The following ABHD4 variants were observed in gnomAD, a reference collection of about 807,000 sequenced individuals.
ABHD4 encodes abhydrolase domain containing 4, N-acyl phospholipase B.
ABHD4 carries 35 observed loss-of-function variants against 42.3 expected under a neutral mutation model. That is an observed-to-expected ratio of 0.83 (90% CI 0.63 to 1.10). The LOEUF is 1.10. Ranked by LOEUF, ABHD4 falls within the 50% of genes least tolerant of loss-of-function variation. The pLI, the probability that ABHD4 is intolerant of heterozygous loss-of-function variation, is 0.00. For synonymous variants in ABHD4, 169 were observed against 170.6 expected, an observed-to-expected ratio of 0.99 and a Z score of 0.07; for missense variants, 389 against 454.8, an observed-to-expected ratio of 0.86 and a Z score of 1.32.
rs1393636270 is a variant in ABHD4, at chr14:22,609,895, C to T, written c.924C>T (p.Ser308=). 3 of 1,613,882 alleles carry T rather than the reference C, an allele frequency of 1.9e-6. No individual in the cohort carries two copies. The highest frequency in any genetic ancestry group is 2.7e-5 in the African/African-American group (2 of 74,860). Residue 308 remains serine, a synonymous_variant, in exon 6 of 7, where the codon TCC becomes TCT. Coordinates refer to ENST00000428304, the MANE Select transcript of ABHD4 (RefSeq NM_022060.3). ...AGGTGAAGATGCAGCGGCCGGATTCCTATGTCCGAGACATGGTATGTTGCA... is the reference window on the plus strand; with the variant it reads ...AGGTGAAGATGCAGCGGCCGGATTCTTATGTCCGAGACATGGTATGTTGCA... ...GKKVKMQRPD[S]YVRDMEIKGA... is the part of the protein sequence containing the mutation.
At chr14:22,603,873 G>A (rs570861113) in intron 3 of ABHD4, 52 bp from the exon 4 acceptor site, 1 of 1,602,802 alleles carries the variant, frequency 6.2e-7, no homozygotes, top group South Asian at 1.1e-5. Context: ...AGGGGCTATG[G>A]CAACTACCAG....
In ABHD4 at chr14:22,612,149, C is replaced by G. The variant is rs956870134; in HGVS notation, c.*1201C>G. 1.3e-5 allele frequency: 2 copies of G among 152,770 alleles called. No homozygotes were observed. Among genetic ancestry groups the G allele is most frequent in the Non-Finnish European group, 2.9e-5 (2 of 68,216 alleles). 9.5% of individuals were successfully genotyped at this position (152,770 alleles called of 1,614,324 possible). Reference sequence around the variant, plus strand: ...GGTTTCCAGCTCAATCCACCCCTGACCCATCTGTCAGCTTTTTCCCAGGGA... The same window carrying G: ...GGTTTCCAGCTCAATCCACCCCTGAGCCATCTGTCAGCTTTTTCCCAGGGA... On this transcript the variant is annotated 3_prime_UTR_variant, in exon 7 of 7. Transcript: ENST00000428304.
intron 2 of ABHD4, among the ~76,000 whole-genome samples, chr14:22,602,405 G>A (rs1212978487): frequency 2.0e-5 from 3 of 152,160 alleles, no homozygotes; most frequent in African/African-American, 7.2e-5. Flanking sequence ...CTGGGCCCGA[G>A]TAAGTGCAGA....
chr14:22,605,804 AAG>A (rs1171249395), intron 4 of ABHD4: 3 of 1,289,054 alleles, frequency 2.3e-6, no homozygotes, highest in Admixed American at 4.6e-5. Context: ...ACCAGAGAGA[AAG>A]AGAGAGATCA....
chr14:22,608,784 C>T (rs976476964), intron 5 of ABHD4, among the ~76,000 whole-genome samples: 7 of 152,236 alleles, frequency 4.6e-5, no homozygotes, highest in African/African-American at 1.7e-4. Flanking sequence ...TCACTGCAAC[C>T]TCTGCCTCCC....
intron 4 of ABHD4, among the ~76,000 whole-genome samples, chr14:22,605,152 A>C (rs572653333): frequency 6.6e-6 from 1 of 152,158 alleles, no homozygotes; most frequent in Admixed American, 6.5e-5. Flanking sequence ...AAAGGGAGAA[A>C]AGGAGGTGGA....
intron 4 of ABHD4, 132 bp downstream of exon 4, chr14:22,604,211 A>C: frequency 9.4e-7 from 1 of 1,068,742 alleles, no homozygotes; most frequent in South Asian, 1.7e-5. Flanking sequence ...TCTGAACCAG[A>C]TCACTTTGTT....
At position 22,610,882 on chromosome 14, in the gene ABHD4, T is replaced by G; in HGVS notation, c.963T>G (p.His321Gln). 1 of 1,614,120 alleles carries G rather than the reference T, an allele frequency of 6.2e-7. No individual in the cohort carries two copies. Among genetic ancestry groups the G allele is most frequent in the Non-Finnish European group, 8.5e-7 (1 of 1,180,008 alleles). ...AGGAGATTAAGGGTGCCTCCCACCA[T>G]GTCTATGCTGACCAGCCACACATCT... Reference protein sequence around the residue: ...RDMEIKGASHHVYADQPHIFN... With the variant: ...RDMEIKGASHQVYADQPHIFN... Residue 321 changes from histidine to glutamine, a missense_variant, in exon 7 of 7, where the codon CAT (histidine) becomes CAG (glutamine). His to Gln is a conservative substitution (Grantham distance 24, BLOSUM62 0). This residue lies in a region of ABHD4 where 249 missense variants were observed against 254.4 expected (regional missense o/e 0.98). Coordinates refer to ENST00000428304, the MANE Select transcript of ABHD4 (RefSeq NM_022060.3).
intron 2 of ABHD4, among the ~76,000 whole-genome samples, chr14:22,602,271 C>G (rs921427194): frequency 6.8e-4 from 104 of 152,312 alleles, no homozygotes; most frequent in African/African-American, 2.5e-3. Context: ...TACATTGCAG[C>G]AGGGCATCCC....
At chr14:22,602,924 A>AG (rs928702304) in intron 2 of ABHD4, among the ~76,000 whole-genome samples, 4 of 152,164 alleles carry the variant, frequency 2.6e-5, no homozygotes, top group African/African-American at 9.7e-5. Flanking sequence ...CAGCATGGTG[A>AG]GGGGGGTCAG....
At chr14:22,603,367 C>T (rs750154281) in intron 2 of ABHD4, 23 bp from the exon 3 acceptor site, 16 of 1,613,792 alleles carry the variant, frequency 9.9e-6, no homozygotes, top group East Asian at 6.7e-5. Context: ...TATTGACTTA[C>T]CATGGGATTC....
intron 6 of ABHD4, among the ~76,000 whole-genome samples, 191 bp from the exon 7 acceptor site, chr14:22,610,668 G>A (rs1201386172): frequency 6.6e-6 from 1 of 152,202 alleles, no homozygotes; most frequent in African/African-American, 2.4e-5. Flanking sequence ...TGTTTATCAA[G>A]TAAGTAGAAT....
At chr14:22,601,523 C>A in intron 1 of ABHD4, 144 bp from the exon 2 acceptor site, 1 of 686,098 alleles carries the variant, frequency 1.5e-6, no homozygotes, top group Non-Finnish European at 2.6e-6. Flanking sequence ...AGCTAGGGAA[C>A]TGCTGCCTGC....
chr14:22,601,282 T>C (rs1228218638), intron 1 of ABHD4, among the ~76,000 whole-genome samples: 2 of 152,238 alleles, frequency 1.3e-5, no homozygotes, highest in South Asian at 2.1e-4. Flanking sequence ...CAGCTAGTAC[T>C]GGGGACAGCA....
intron 1 of ABHD4, among the ~76,000 whole-genome samples, chr14:22,600,425 C>A (rs943584761): frequency 2.6e-5 from 4 of 152,188 alleles, no homozygotes; most frequent in African/African-American, 7.2e-5. Context: ...TCAGTTTGCT[C>A]ATCTGTAAAA....
chr14:22,605,869 A>T, intron 4 of ABHD4: 1 of 1,276,946 alleles, frequency 7.8e-7, no homozygotes, highest in Non-Finnish European at 1.0e-6. Context: ...TGTTGCATGT[A>T]TGTATACCAT....
intron 2 of ABHD4, 72 bp downstream of exon 2, chr14:22,601,827 T>G: frequency 2.9e-6 from 4 of 1,364,336 alleles, no homozygotes; most frequent in Non-Finnish European, 4.2e-6. Context: ...TCCCAGAGCC[T>G]GCTACATTGA....
intron 1 of ABHD4, chr14:22,599,969 G>GTT: frequency 3.5e-6 from 1 of 289,406 alleles, no homozygotes; most frequent in Non-Finnish European, 7.0e-6. Context: ...TCCACTGAGA[G>GTT]TTGCTACTTG....
intron 5 of ABHD4, among the ~76,000 whole-genome samples, chr14:22,609,008 G>GT (rs1195088885): frequency 7.0e-6 from 1 of 143,048 alleles, no homozygotes; most frequent in Non-Finnish European, 1.5e-5. Context: ...CTGTTCGTTT[G>GT]TTTTTTTGAG....
Sources: allele counts gnomAD v4.1 joint callset (sites outside exome capture counted in the v4.1 genomes callset), GRCh38; gene constraint gnomAD v4.1.1; regional missense constraint gnomAD v4.1.1; transcripts MANE v1.5; gene names NCBI Gene and HGNC (gene_info 2026-07-23, HGNC 2026-07-21).